DLEU7: variants seen among roughly 807,000 people sequenced by gnomAD.
DLEU7 encodes leukemia-associated protein 7.
A neutral mutation model predicts 16.0 loss-of-function variants in DLEU7; 17 were observed. That is an observed-to-expected ratio of 1.06 (90% CI 0.73 to 1.59). The LOEUF (loss-of-function observed/expected upper bound fraction) is 1.59. Ranked by LOEUF, DLEU7 falls within the 40% of genes most tolerant of loss-of-function variation. DLEU7 has a pLI of 0.00. For synonymous variants in DLEU7, 113 were observed against 139.8 expected, an observed-to-expected ratio of 0.81 and a Z score of 1.35; for missense variants, 308 against 314.9, an observed-to-expected ratio of 0.98 and a Z score of 0.17.
chr13:50,741,937 G>A (rs187025935), intron 1 of DLEU7, among the ~76,000 whole-genome samples: 2 of 152,130 alleles, frequency 1.3e-5, no homozygotes, highest in Non-Finnish European at 1.5e-5. Context: ...CAGTACATTA[G>A]TATGATTTTA....
chr13:50,802,255 A>C (rs1450429862), intron 1 of DLEU7, among the ~76,000 whole-genome samples: 1 of 152,104 alleles, frequency 6.6e-6, no homozygotes, highest in Non-Finnish European at 1.5e-5. Flanking sequence ...TAGAAACCCA[A>C]CTGATGCTTC....
rs1056480895 is a variant in DLEU7 at position 50,726,241 on chromosome 13, A to G, written c.460-13001T>C. On this transcript the variant is annotated intron_variant, in intron 1 of 1. Coordinates refer to the DLEU7 transcript ENST00000400393. This position sits in a 1 kb window ranked among gnomAD's most constrained non-coding sequence, Gnocchi z 4.0. ...CCCAGCCAGGCCTCTCCACCTCAGC[A>G]CTTTGTTGATTTGCCTCCTTTGACC... Among the ~76,000 whole-genome samples, 2 of 152,098 alleles carry G rather than the reference A, an allele frequency of 1.3e-5. No homozygotes were observed. Among genetic ancestry groups the G allele is most frequent in the African/African-American group, 4.8e-5 (2 of 41,418 alleles).
chr13:50,797,933 G>GC (rs1390580249), intron 1 of DLEU7, among the ~76,000 whole-genome samples: 1 of 152,146 alleles, frequency 6.6e-6, no homozygotes, highest in Non-Finnish European at 1.5e-5. Context: ...AGTTGATTTA[G>GC]CCCCTCTTCT....
At chr13:50,739,468 G>A (rs1269518308) in intron 1 of DLEU7, among the ~76,000 whole-genome samples, 1 of 152,150 alleles carries the variant, frequency 6.6e-6, no homozygotes, top group Non-Finnish European at 1.5e-5. Flanking sequence ...TGGAGATGAA[G>A]GCAAATGCCA....
chr13:50,800,683 A>G (rs59962876), intron 1 of DLEU7, among the ~76,000 whole-genome samples: 7,308 of 152,170 alleles, frequency 0.048, 589 homozygotes, highest in African/African-American at 0.16. Flanking sequence ...ATCGTGCTGA[A>G]TGAATGTCCA....
chr13:50,821,494 T>C (rs1446347056), downstream of DLEU7, among the ~76,000 whole-genome samples: 3 of 152,164 alleles, frequency 2.0e-5, no homozygotes, highest in Non-Finnish European at 4.4e-5. Flanking sequence ...GCTATTAAGA[T>C]ATCATGTGAT....
intron 1 of DLEU7, among the ~76,000 whole-genome samples, chr13:50,753,835 C>T (rs1043623079): frequency 1.3e-5 from 2 of 152,232 alleles, no homozygotes; most frequent in Non-Finnish European, 2.9e-5. Context: ...CGAGCGAGGG[C>T]TGCAAGGGCT....
intron 1 of DLEU7, among the ~76,000 whole-genome samples, chr13:50,714,715 G>A (rs754505104): frequency 3.5e-4 from 54 of 152,122 alleles, no homozygotes; most frequent in Admixed American, 1.6e-3. Context: ...CTTCTCATGT[G>A]TTTTCCCCTC....
chr13:50,745,393 T>G (rs1874364859), intron 1 of DLEU7, among the ~76,000 whole-genome samples: 1 of 151,504 alleles, frequency 6.6e-6, no homozygotes, highest in South Asian at 2.1e-4. Context: ...ATGATGGTTA[T>G]CAGGGGCTGG....
chr13:50,810,279 G>T (rs894992435), intron 1 of DLEU7, among the ~76,000 whole-genome samples: 4 of 151,684 alleles, frequency 2.6e-5, no homozygotes, highest in African/African-American at 9.7e-5. Context: ...CCCCAGGTTT[G>T]GGATTTGGCC....
chr13:50,824,653 C>G (rs1158346249), intron 1 of DLEU7, among the ~76,000 whole-genome samples: 1 of 152,130 alleles, frequency 6.6e-6, no homozygotes, highest in Admixed American at 6.5e-5. Context: ...ATCACACAGT[C>G]ATTTGACTTT....
exon 2 of DLEU7, chr13:50,713,131 C>T (rs1873343660): frequency 6.6e-7 from 1 of 1,507,328 alleles, no homozygotes; most frequent in African/African-American, 1.4e-5. Flanking sequence ...AACATCCCAT[C>T]TCATCCCATC....
chr13:50,811,658 G>A (rs1876571831), intron 1 of DLEU7, among the ~76,000 whole-genome samples: 1 of 152,114 alleles, frequency 6.6e-6, no homozygotes, highest in Non-Finnish European at 1.5e-5. Flanking sequence ...ATGGCCTGCG[G>A]ATGCTAAGTA....
At chr13:50,742,945 C>A (rs1751203494) in intron 1 of DLEU7, among the ~76,000 whole-genome samples, 1 of 152,124 alleles carries the variant, frequency 6.6e-6, no homozygotes, top group African/African-American at 2.4e-5. Context: ...TGATAAAACT[C>A]ATGTCTGGAA....
chr13:50,729,841 A>T (rs1873868969), intron 1 of DLEU7, among the ~76,000 whole-genome samples: 1 of 152,130 alleles, frequency 6.6e-6, no homozygotes, highest in Admixed American at 6.5e-5. Flanking sequence ...TCTTCTTTTG[A>T]AAAGTGTCTG....
intron 1 of DLEU7, among the ~76,000 whole-genome samples, chr13:50,780,549 T>G (rs780335482): frequency 2.0e-5 from 3 of 152,192 alleles, no homozygotes; most frequent in Non-Finnish European, 4.4e-5. Flanking sequence ...ATTACTACGT[T>G]TCTGGAGAAA....
chr13:50,755,489 A>G (rs661341), intron 1 of DLEU7, among the ~76,000 whole-genome samples: 71,969 of 151,742 alleles, frequency 0.47, 18,098 homozygotes, highest in African/African-American at 0.63. Context: ...TATTGCTGAG[A>G]CTTTCCAGAA....
chr13:50,730,791 G>T (rs1873891768), intron 1 of DLEU7, among the ~76,000 whole-genome samples: 1 of 152,232 alleles, frequency 6.6e-6, no homozygotes, highest in East Asian at 1.9e-4. Flanking sequence ...ATCTTTGAGA[G>T]AATTAGATAA....
At chr13:50,766,242 G>A (rs191708341) in intron 1 of DLEU7, among the ~76,000 whole-genome samples, 3 of 152,254 alleles carry the variant, frequency 2.0e-5, no homozygotes, top group Admixed American at 2.0e-4. Flanking sequence ...GATACTGTCA[G>A]CCCAAATTGC....
Sources: gnomAD v4.1 joint callset for allele counts (sites outside exome capture counted in the v4.1 genomes callset) on GRCh38, gnomAD v4.1.1 for gene constraint, Gnocchi (gnomAD v3.1) non-coding constraint, MANE v1.5 for transcripts, NCBI Gene and HGNC (gene_info 2026-07-23, HGNC 2026-07-21) for gene names.